Variants in MIS18BP1 observed in about 807,000 individuals in gnomAD.
The protein encoded by MIS18BP1 is MIS18 binding protein 1.
MIS18BP1 carries 72 observed loss-of-function variants against 116.1 expected under a neutral mutation model. That is an observed-to-expected ratio of 0.62 (90% CI 0.51 to 0.75). The LOEUF (loss-of-function observed/expected upper bound fraction) is 0.75. Among genes scored for constraint, MIS18BP1 ranks in the 30% least tolerant of loss-of-function variants. The probability of loss-of-function intolerance (pLI) is 0.00; values close to 1 mark genes in which losing one functional copy is unlikely to be tolerated. For missense variants in MIS18BP1, 1,363 were observed against 1,303.2 expected (o/e 1.05, Z -0.71); for synonymous variants, 386 against 427.0 (o/e 0.90, Z 1.18).
intron 14 of MIS18BP1, among the ~76,000 whole-genome samples, chr14:45,209,244 A>G (rs1890609990): frequency 6.6e-6 from 1 of 151,902 alleles, no homozygotes; most frequent in African/African-American, 2.4e-5. Context: ...CACAAACAGT[A>G]GTATATTATT....
chr14:45,223,927 T>C lies in MIS18BP1; in HGVS notation c.2660A>G (p.Lys887Arg), dbSNP rs760974114. 20 of 1,570,824 alleles carry C rather than the reference T, an allele frequency of 1.3e-5. No homozygotes were observed. In the Middle Eastern group the frequency reaches 8.6e-4, roughly 67 times the overall value. ...AAATCTAACTACTTACCAATGAAGT[T>C]TCTGTAACTCCTTCTCATTCCATTC... ...DKEWNEKELQ[K>R]LHCAFASLPK... Residue 887 changes from lysine to arginine, a missense_variant, in exon 11 of 17, where the codon AAA becomes AGA. Transcript: ENST00000310806.
intron 13 of MIS18BP1, among the ~76,000 whole-genome samples, chr14:45,213,812 ATTC>A (rs1290661021): frequency 6.6e-6 from 1 of 152,240 alleles, no homozygotes; most frequent in East Asian, 1.9e-4. Context: ...GTACTAAAAA[ATTC>A]TTCTGCCTTG....
chr14:45,216,990 A>G, intron 13 of MIS18BP1, 29 bp downstream of exon 13: 1 of 1,605,120 alleles, frequency 6.2e-7, no homozygotes, highest in Non-Finnish European at 8.5e-7. Context: ...CAATACAGAT[A>G]AGGAAAACAA....
chr14:45,244,544 A>T (rs1891674826), intron 2 of MIS18BP1, among the ~76,000 whole-genome samples: 1 of 151,894 alleles, frequency 6.6e-6, no homozygotes, highest in Non-Finnish European at 1.5e-5. Context: ...GCAAAATTAC[A>T]ACCCAGTTAA....
At chr14:45,251,631 G>GA (rs1429717103) in intron 1 of MIS18BP1, among the ~76,000 whole-genome samples, 1 of 151,908 alleles carries the variant, frequency 6.6e-6, no homozygotes, top group East Asian at 1.9e-4. Flanking sequence ...TGATACACTT[G>GA]AAAAAAATAC....
At position 45,246,917 on chromosome 14, in the gene MIS18BP1, G is replaced by A. The variant is rs138974385; in HGVS notation, c.370C>T (p.Arg124Cys). The A allele has an allele frequency of 8.1e-6, 13 of 1,605,240 alleles. No individual in the cohort carries two copies. Among genetic ancestry groups the A allele is most frequent in the South Asian group, 2.3e-5 (2 of 88,320 alleles). The change falls in exon 2 of 17, where the codon CGT (arginine) becomes TGT (cysteine). Residue 124 changes from arginine (R) to cysteine (C), a missense_variant. Transcript: ENST00000310806. The part of the protein sequence containing the change: ...IFLRMKEKVL[R>C]DKQEQPSRNS... ...CTTGATGGCTGTTCTTGCTTGTCAC[G>A]CAGTACTTTTTCTTTCATTCTTAGA... is the stretch of plus-strand genomic sequence containing the variant.
At position 45,231,293 on chromosome 14, in the gene MIS18BP1, C is replaced by G. The variant is rs1405053750; in HGVS notation, c.1442G>C (p.Gly481Ala). 6.3e-7 allele frequency: 1 copy of G among 1,580,758 alleles called. No homozygotes were observed. The highest frequency in any genetic ancestry group is 1.9e-5 in the Admixed American group (1 of 52,484). ...TTTGGTCTTTTCCCTGTTCTTTTCA[C>G]CAGCCCTTTAAAAACAATTATTTTA... ...IDNFLEQLRA[G>A]EKNREKTKQK... Residue 481 changes from glycine to alanine, a missense_variant, in exon 8 of 17, where the codon GGT (glycine) becomes GCT (alanine). By Grantham distance (60) the Gly-to-Ala change is moderately conservative. Transcript: ENST00000310806.
At chr14:45,235,441 A>ATTAG (rs3036373) in intron 6 of MIS18BP1, among the ~76,000 whole-genome samples, 12,345 of 151,516 alleles carry the variant, frequency 0.081, 659 homozygotes, top group South Asian at 0.16. Context: ...AAATACAAAA[A>ATTAG]TTAGTTGGGT....
chr14:45,206,680 C>A (rs1890527028), intron 14 of MIS18BP1, among the ~76,000 whole-genome samples: 1 of 152,160 alleles, frequency 6.6e-6, no homozygotes, highest in African/African-American at 2.4e-5. Context: ...ATGCTTAAAT[C>A]AAACATTTTA....
rs1167336391 is a variant in MIS18BP1 at position 45,231,160 on chromosome 14, A to G, written c.1575T>C (p.Asp525=). ...DTAQRATTTY[D]FDCDNLELKS... The stretch of plus-strand genomic sequence containing the variant: ...ACATACCCAAATTATCACAATCAAA[A>G]TCGTAAGTGGTGGTGGCTCTTTGAG... Residue 525 remains aspartate, a synonymous_variant, in exon 8 of 17, where the codon GAT becomes GAC. Coordinates refer to ENST00000310806, the MANE Select transcript of MIS18BP1 (RefSeq NM_018353.5). The G allele has an allele frequency of 3.7e-6, 6 of 1,610,320 alleles. No individual in the cohort carries two copies. In the South Asian group the frequency reaches 4.5e-5, roughly 12 times the overall value.
At chr14:45,204,315 G>C (rs1890451101) in intron 16 of MIS18BP1, 84 bp downstream of exon 16, 2 of 1,536,818 alleles carry the variant, frequency 1.3e-6, no homozygotes, top group African/African-American at 2.8e-5. Flanking sequence ...GTCCACTTGA[G>C]AGCAATTAAT....
chr14:45,205,769 TTTTTGTG>T (rs1391496830), intron 15 of MIS18BP1, among the ~76,000 whole-genome samples: 1 of 152,216 alleles, frequency 6.6e-6, no homozygotes, highest in Non-Finnish European at 1.5e-5. Flanking sequence ...AACAGGATTG[TTTTTGTG>T]TTTTGTGTTT....
intron 1 of MIS18BP1, among the ~76,000 whole-genome samples, chr14:45,250,940 G>A (rs1891854812): frequency 1.3e-5 from 2 of 151,862 alleles, no homozygotes; most frequent in Admixed American, 6.5e-5. Flanking sequence ...GGGAGGCTGA[G>A]GCAGGAGAAT....
intron 1 of MIS18BP1, among the ~76,000 whole-genome samples, chr14:45,251,582 G>A (rs1891875573): frequency 6.6e-6 from 1 of 152,052 alleles, no homozygotes; most frequent in Non-Finnish European, 1.5e-5. Flanking sequence ...CTGGGACATA[G>A]AATTAGGGGG....
chr14:45,239,619 G>A (rs1891522402), intron 4 of MIS18BP1, among the ~76,000 whole-genome samples: 1 of 152,210 alleles, frequency 6.6e-6, no homozygotes, highest in Non-Finnish European at 1.5e-5. Flanking sequence ...GAGATGACAA[G>A]TTACTGGGGA....
intron 13 of MIS18BP1, among the ~76,000 whole-genome samples, chr14:45,213,882 G>A (rs1890742434): frequency 1.3e-5 from 2 of 152,238 alleles, no homozygotes; most frequent in Non-Finnish European, 2.9e-5. Context: ...GACATGTGCT[G>A]TGTTGACTCA....
At position 45,225,031 on chromosome 14, in the gene MIS18BP1, C is replaced by CA. The variant is rs1295200394; in HGVS notation, c.1841-286dup. Among the ~76,000 whole-genome samples the CA allele has an allele frequency of 5.3e-5, 8 of 152,070 alleles. No homozygotes were observed. The South Asian group carries it at 1.7e-3, about 31-fold the overall frequency. On this transcript the variant is annotated intron_variant, in intron 10 of 16. Transcript: ENST00000310806. ...CTCTGCCTGGCCTTCCACATAGTTC[C>CA]AATCTCTCACTGTTGTCAAAATCTC...
At chr14:45,208,361 C>CT (rs747671279) in intron 14 of MIS18BP1, among the ~76,000 whole-genome samples, 78 of 129,346 alleles carry the variant, frequency 6.0e-4, no homozygotes, top group Non-Finnish European at 1.1e-3. Flanking sequence ...GAGACGGAGT[C>CT]TCGCACTGTC....
intron 16 of MIS18BP1, 28 bp downstream of exon 16, chr14:45,204,371 C>A: frequency 6.3e-7 from 1 of 1,589,370 alleles, no homozygotes; most frequent in Non-Finnish European, 8.6e-7. Context: ...TAGAACTGAG[C>A]CACAAAAGAA....
Sources: gnomAD v4.1 joint callset for allele counts (sites outside exome capture counted in the v4.1 genomes callset) on GRCh38, gnomAD v4.1.1 for gene constraint, MANE v1.5 for transcripts, NCBI Gene and HGNC (gene_info 2026-07-23, HGNC 2026-07-21) for gene names.